The following THSD7B variants were observed in gnomAD, a reference collection of about 807,000 sequenced individuals.
THSD7B encodes the protein thrombospondin type-1 domain-containing protein 7B.
A neutral mutation model predicts 213.6 loss-of-function variants in THSD7B; 138 were observed. The ratio of observed to expected loss-of-function variants is 0.65; its 90% CI spans 0.56 to 0.74. The LOEUF (loss-of-function observed/expected upper bound fraction) is 0.74. Ranked by LOEUF, THSD7B falls within the 30% of genes least tolerant of loss-of-function variation. THSD7B has a pLI of 0.00. For missense variants in THSD7B, 1,931 were observed against 1,991.5 expected, an observed-to-expected ratio of 0.97 and a Z score of 0.58; for synonymous variants, 742 against 687.0, an observed-to-expected ratio of 1.08 and a Z score of -1.25.
At chr2:137,014,375 G>A (rs16837856) in intron 2 of THSD7B, among the ~76,000 whole-genome samples, 10,809 of 152,164 alleles carry the variant, frequency 0.071, 417 homozygotes, top group East Asian at 0.15. Flanking sequence ...TAGTGCTCGG[G>A]CACCTGCATG....
At chr2:137,221,553 C>T (rs773966480) in intron 7 of THSD7B, among the ~76,000 whole-genome samples, 4 of 152,082 alleles carry the variant, frequency 2.6e-5, no homozygotes, top group Non-Finnish European at 5.9e-5. Context: ...CTACTAAGAA[C>T]CTTAATGAAG....
intron 1 of THSD7B, among the ~76,000 whole-genome samples, chr2:136,805,515 A>G (rs1239865714): frequency 6.6e-6 from 1 of 152,152 alleles, no homozygotes; most frequent in East Asian, 1.9e-4. Flanking sequence ...AGTGTTAGCT[A>G]TGTGTAGGTG....
intron 7 of THSD7B, among the ~76,000 whole-genome samples, chr2:137,201,333 A>C (rs1375865807): frequency 6.6e-6 from 1 of 152,188 alleles, no homozygotes; most frequent in Admixed American, 6.5e-5. Flanking sequence ...ATTGGTGGGC[A>C]CTTGGGCTTC....
chr2:137,348,866 TAG>T (rs1684941586), intron 12 of THSD7B, among the ~76,000 whole-genome samples: 1 of 151,692 alleles, frequency 6.6e-6, no homozygotes, highest in African/African-American at 2.4e-5. Flanking sequence ...TTTATGCATA[TAG>T]ATAGTATATA....
At chr2:136,937,986 T>G (rs1051230828) in intron 2 of THSD7B, among the ~76,000 whole-genome samples, 1 of 152,196 alleles carries the variant, frequency 6.6e-6, no homozygotes, top group East Asian at 1.9e-4. Context: ...ATCCTATTTT[T>G]GTACAGGTTC....
intron 14 of THSD7B, among the ~76,000 whole-genome samples, chr2:137,446,151 T>A (rs1014319727): frequency 2.6e-5 from 4 of 151,996 alleles, no homozygotes; most frequent in African/African-American, 9.7e-5. Context: ...TATAAGTAAA[T>A]TAATCTAGGT....
intron 1 of THSD7B, among the ~76,000 whole-genome samples, chr2:136,801,744 T>G (rs973525880): frequency 2.0e-5 from 3 of 152,006 alleles, no homozygotes; most frequent in Non-Finnish European, 2.9e-5. Flanking sequence ...GGCAAGCCAG[T>G]GGAATTGTGT....
intron 4 of THSD7B, among the ~76,000 whole-genome samples, chr2:137,108,330 T>C (rs929229890): frequency 2.0e-5 from 3 of 152,358 alleles, no homozygotes; most frequent in South Asian, 2.1e-4. Flanking sequence ...CTGGCTGTGA[T>C]GGTCCTGGTT....
chr2:137,381,347 G>A (rs950148154), intron 12 of THSD7B, among the ~76,000 whole-genome samples: 26 of 152,230 alleles, frequency 1.7e-4, no homozygotes, highest in African/African-American at 6.3e-4. Flanking sequence ...CACGCTATGA[G>A]AAGTACACAC....
intron 15 of THSD7B, among the ~76,000 whole-genome samples, chr2:137,557,983 G>A (rs2105216579): frequency 6.6e-6 from 1 of 152,220 alleles, no homozygotes; most frequent in East Asian, 1.9e-4. Context: ...TAAATTCCTG[G>A]ACACATATAC....
At chr2:136,954,215 A>G (rs568775030) in intron 2 of THSD7B, among the ~76,000 whole-genome samples, 1 of 152,178 alleles carries the variant, frequency 6.6e-6, no homozygotes, top group Admixed American at 6.5e-5. Context: ...GTGCTGTGGA[A>G]TTTAATGAGT....
chr2:137,010,618 A>C (rs1686214273), intron 2 of THSD7B, among the ~76,000 whole-genome samples: 1 of 152,174 alleles, frequency 6.6e-6, no homozygotes, highest in African/African-American at 2.4e-5. Context: ...TGTAGTGCCA[A>C]CACATGTTAT....
intron 15 of THSD7B, among the ~76,000 whole-genome samples, chr2:137,550,834 G>C (rs1680832604): frequency 1.3e-5 from 2 of 151,854 alleles, no homozygotes; most frequent in South Asian, 4.2e-4. Flanking sequence ...AGAGGGAAAG[G>C]GTTAAGTGCT....
intron 17 of THSD7B, 104 bp downstream of exon 17, chr2:137,572,660 A>T (rs982738938): frequency 7.9e-7 from 1 of 1,258,228 alleles, no homozygotes; most frequent in Non-Finnish European, 1.1e-6. Flanking sequence ...TTCTAGTAAC[A>T]TGGGAAAATA....
chr2:136,813,269 A>C (rs1415657822), intron 1 of THSD7B, among the ~76,000 whole-genome samples: 3 of 151,962 alleles, frequency 2.0e-5, no homozygotes, highest in Admixed American at 6.6e-5. Flanking sequence ...TTTTATTATT[A>C]TTCTTAATTA....
At chr2:137,434,697 G>A (rs1305882703) in intron 14 of THSD7B, among the ~76,000 whole-genome samples, 1 of 152,110 alleles carries the variant, frequency 6.6e-6, no homozygotes, top group Non-Finnish European at 1.5e-5. Context: ...TCCACATTTT[G>A]TGTATTAATT....
chr2:137,036,233 A>G (rs1374269272), intron 2 of THSD7B, among the ~76,000 whole-genome samples: 1 of 152,122 alleles, frequency 6.6e-6, no homozygotes, highest in Non-Finnish European at 1.5e-5. Context: ...CTTTCTTTGA[A>G]AGGTAATCTT....
intron 14 of THSD7B, among the ~76,000 whole-genome samples, chr2:137,428,637 C>T (rs995314822): frequency 6.6e-6 from 1 of 152,100 alleles, no homozygotes; most frequent in Non-Finnish European, 1.5e-5. Context: ...ATACCAGCTA[C>T]AACATAGATG....
At chr2:137,635,755 A>G (rs2104856207) in intron 20 of THSD7B, among the ~76,000 whole-genome samples, 1 of 152,096 alleles carries the variant, frequency 6.6e-6, no homozygotes, top group East Asian at 1.9e-4. Context: ...CACAGGCTAC[A>G]GTGCAGTGGC....
Sources: allele counts gnomAD v4.1 joint callset (sites outside exome capture counted in the v4.1 genomes callset), GRCh38; gene constraint gnomAD v4.1.1; transcripts MANE v1.5; gene names NCBI Gene and HGNC (gene_info 2026-07-23, HGNC 2026-07-21).